The following ADGRL3 variants were observed in gnomAD, a reference collection of about 807,000 sequenced individuals.
The protein encoded by ADGRL3 is adhesion G protein-coupled receptor L3.
In ADGRL3, 62 loss-of-function variants were observed where a neutral mutation model predicts 153.5. The observed-to-expected ratio is 0.40, with a 90% CI of 0.33 to 0.50. ADGRL3 has a LOEUF of 0.50. Ranked by LOEUF, ADGRL3 falls within the 20% of genes least tolerant of loss-of-function variation. The probability of loss-of-function intolerance (pLI) is 0.47; values close to 1 mark genes in which losing one functional copy is unlikely to be tolerated. For missense variants in ADGRL3, 1,641 were observed against 1,859.4 expected (o/e 0.88, Z 2.16); for synonymous variants, 710 against 672.5 (o/e 1.06, Z -0.86).
rs1722010398 is a variant in ADGRL3, at chr4:62,031,449, G to A, written c.3430G>A (p.Val1144Ile). The change falls in exon 23 of 27, where the codon GTT (valine) becomes ATT (isoleucine). Residue 1144 changes from valine to isoleucine, a missense_variant. Physicochemically the swap from Val to Ile is conservative, Grantham distance 29. Transcript: ENST00000683033. ...TTTCTCTTCTCTCTACAGGTCATGG[G>A]TTATAGGTGCAATAGCTCTTCTCTG... ...EDNRPFIKSW[V>I]IGAIALLCLL... 1.2e-6 allele frequency: 2 copies of A among 1,608,462 alleles called. No homozygotes were observed. The highest frequency in any genetic ancestry group is 4.5e-5 in the East Asian group (2 of 44,712).
chr4:61,395,124 A>G (rs190442754), intron 2 of ADGRL3, among the ~76,000 whole-genome samples: 8 of 152,142 alleles, frequency 5.3e-5, no homozygotes, highest in African/African-American at 1.9e-4. Flanking sequence ...TGCTGAATTA[A>G]TAGTATTCTT....
At chr4:61,764,053 C>T (rs55895677) in intron 8 of ADGRL3, among the ~76,000 whole-genome samples, 4,062 of 152,208 alleles carry the variant, frequency 0.027, 115 homozygotes, top group East Asian at 0.076. Context: ...AAACTTTTCA[C>T]ATTCTGTATT....
chr4:61,765,696 A>G (rs546416716), intron 8 of ADGRL3, among the ~76,000 whole-genome samples: 1 of 152,222 alleles, frequency 6.6e-6, no homozygotes, highest in African/African-American at 2.4e-5. Context: ...ACCCTGTAGG[A>G]AAGGCCTCTA....
chr4:61,932,223 TGAATAGTGGCAA>T (rs2098820590), intron 13 of ADGRL3, among the ~76,000 whole-genome samples: 1 of 152,128 alleles, frequency 6.6e-6, no homozygotes, highest in Non-Finnish European at 1.5e-5. Flanking sequence ...AATACTATGT[TGAATAGTGGCAA>T]GAGTGGGCAC....
At chr4:61,390,216 A>G (rs916290403) in intron 2 of ADGRL3, among the ~76,000 whole-genome samples, 5 of 152,268 alleles carry the variant, frequency 3.3e-5, no homozygotes, top group African/African-American at 1.2e-4. Context: ...TTTTCTGTTA[A>G]CTCTCTATTT....
intron 4 of ADGRL3, among the ~76,000 whole-genome samples, chr4:61,539,507 G>A (rs796598742): frequency 3.3e-5 from 5 of 152,182 alleles, no homozygotes; most frequent in African/African-American, 1.2e-4. Context: ...AGTTGCAAAA[G>A]TCAGAGTGTG....
At chr4:61,216,731 A>G (rs776061020) in intron 1 of ADGRL3, among the ~76,000 whole-genome samples, 1 of 152,178 alleles carries the variant, frequency 6.6e-6, no homozygotes, top group Non-Finnish European at 1.5e-5. Flanking sequence ...AGGAGTCGTA[A>G]AAGCATGATT....
chr4:61,589,513 A>G lies in ADGRL3; in HGVS notation c.473+2073A>G, dbSNP rs2098960670. 2.0e-5 allele frequency among the ~76,000 whole-genome samples: 3 copies of G among 152,136 alleles called. No homozygotes were observed. The South Asian group carries it at 6.2e-4, about 31-fold the overall frequency. On this transcript the variant is annotated intron_variant, in intron 5 of 26. Transcript: ENST00000683033. ...ATGGTACAAACAGTTTAAATAGATTAAAGCATTTAAACTGAAATCATAATG... is the reference window on the plus strand; with the variant it reads ...ATGGTACAAACAGTTTAAATAGATTGAAGCATTTAAACTGAAATCATAATG...
At chr4:61,650,850 T>C (rs904943515) in intron 5 of ADGRL3, among the ~76,000 whole-genome samples, 2 of 152,094 alleles carry the variant, frequency 1.3e-5, no homozygotes, top group African/African-American at 4.8e-5. Flanking sequence ...GTGAATATGG[T>C]TTCTAGGTTT....
At chr4:61,954,887 G>A (rs1251916336) in intron 17 of ADGRL3, among the ~76,000 whole-genome samples, 1 of 152,112 alleles carries the variant, frequency 6.6e-6, no homozygotes, top group African/African-American at 2.4e-5. Flanking sequence ...CAGGTCCCTG[G>A]CCTCAGAGAA....
chr4:61,548,566 G>A (rs919525427), intron 4 of ADGRL3, among the ~76,000 whole-genome samples: 6 of 151,918 alleles, frequency 3.9e-5, no homozygotes, highest in Non-Finnish European at 7.4e-5. Flanking sequence ...TGTCAGCTTT[G>A]TCAAAGATCA....
chr4:61,985,845 G>A (rs1352811308), intron 19 of ADGRL3, among the ~76,000 whole-genome samples: 1 of 151,074 alleles, frequency 6.6e-6, no homozygotes, highest in Admixed American at 6.6e-5. Context: ...TTTGTGAATT[G>A]TAATCAAGTC....
At chr4:61,984,015 A>G (rs2099077209) in intron 19 of ADGRL3, among the ~76,000 whole-genome samples, 1 of 152,152 alleles carries the variant, frequency 6.6e-6, no homozygotes, top group African/African-American at 2.4e-5. Flanking sequence ...TTATGTCATC[A>G]ACAGAAAGAG....
At chr4:61,712,641 A>C (rs1298672712) in intron 6 of ADGRL3, among the ~76,000 whole-genome samples, 1 of 152,208 alleles carries the variant, frequency 6.6e-6, no homozygotes, top group African/African-American at 2.4e-5. Flanking sequence ...TTTAAAATTG[A>C]AGTGTGTAAT....
chr4:61,764,942 GC>G (rs1228726747), intron 8 of ADGRL3, among the ~76,000 whole-genome samples: 2 of 151,794 alleles, frequency 1.3e-5, no homozygotes, highest in Admixed American at 6.6e-5. Context: ...ATTGGTGATG[GC>G]CTGGATACGG....
intron 3 of ADGRL3, among the ~76,000 whole-genome samples, chr4:61,508,878 G>A (rs1376409878): frequency 1.3e-5 from 2 of 152,114 alleles, no homozygotes; most frequent in African/African-American, 4.8e-5. Flanking sequence ...CAGAATCATG[G>A]CGGGAGGCAA....
At chr4:61,423,350 G>A (rs901632332) in intron 2 of ADGRL3, among the ~76,000 whole-genome samples, 3 of 152,150 alleles carry the variant, frequency 2.0e-5, no homozygotes, top group Non-Finnish European at 2.9e-5. Context: ...GAACAGCATG[G>A]GCAAACCCAG....
intron 2 of ADGRL3, among the ~76,000 whole-genome samples, chr4:61,449,552 G>A (rs1494923): frequency 0.64 from 97,695 of 151,938 alleles, 34,409 homozygotes; most frequent in East Asian, 0.92. Flanking sequence ...TTTATTCAAA[G>A]AATAATTAGA....
At chr4:61,243,992 T>A (rs1046382468) in intron 1 of ADGRL3, among the ~76,000 whole-genome samples, 2 of 152,070 alleles carry the variant, frequency 1.3e-5, no homozygotes, top group African/African-American at 4.8e-5. Flanking sequence ...TTAATTTGTA[T>A]TGGCAATTGT....
Sources: allele counts gnomAD v4.1 joint callset (sites outside exome capture counted in the v4.1 genomes callset), GRCh38; gene constraint gnomAD v4.1.1; transcripts MANE v1.5; gene names NCBI Gene and HGNC (gene_info 2026-07-23, HGNC 2026-07-21).